RBFOX1: variants seen among roughly 807,000 people sequenced by gnomAD.
The protein encoded by RBFOX1 is RNA binding fox-1 homolog 1, also known as RNA binding protein fox-1 homolog 1.
RBFOX1 carries 8 observed loss-of-function variants against 57.7 expected under a neutral mutation model. The ratio of observed to expected loss-of-function variants is 0.14; its 90% CI spans 0.08 to 0.25. RBFOX1 has a LOEUF of 0.25. RBFOX1 is among the 10% of genes least tolerant of loss of function. RBFOX1 has a pLI of 1.00. For synonymous variants in RBFOX1, 326 were observed against 222.4 expected (o/e 1.47, Z -4.15); for missense variants, 611 against 548.5 (o/e 1.11, Z -1.14).
intron 4 of RBFOX1, among the ~76,000 whole-genome samples, chr16:7,090,924 G>T (rs2060736683): frequency 6.6e-6 from 1 of 152,112 alleles, no homozygotes. Flanking sequence ...CTCTCCTGTG[G>T]TTATTTAATT....
chr16:7,095,552 T>G (rs1022317271), intron 4 of RBFOX1, among the ~76,000 whole-genome samples: 1 of 152,206 alleles, frequency 6.6e-6, no homozygotes, highest in Non-Finnish European at 1.5e-5. Flanking sequence ...TCTCTTACTT[T>G]GAGTTACATT....
chr16:6,473,214 G>T (rs759616962), intron 2 of RBFOX1, among the ~76,000 whole-genome samples: 1 of 152,040 alleles, frequency 6.6e-6, no homozygotes, highest in Non-Finnish European at 1.5e-5. Flanking sequence ...TATCTATTTT[G>T]TTTTCTGGTG....
intron 3 of RBFOX1, among the ~76,000 whole-genome samples, chr16:5,748,585 T>TTAGC (rs1471405580): frequency 2.0e-5 from 3 of 152,218 alleles, no homozygotes; most frequent in Non-Finnish European, 4.4e-5. Flanking sequence ...TTTAGGATAG[T>TTAGC]TAGCTCTTCT....
chr16:5,556,072 C>T (rs964859830), intron 2 of RBFOX1, among the ~76,000 whole-genome samples: 1 of 152,124 alleles, frequency 6.6e-6, no homozygotes, highest in Non-Finnish European at 1.5e-5. Flanking sequence ...CCAAAAAACA[C>T]CCTTTCCCTG....
In RBFOX1 at chr16:5,657,602, C is replaced by T. The variant is rs117631645; in HGVS notation, c.318+58641C>T. ...GGTTTGAGGTCTGTAAATTCTTTCTCGCTCGCTTTCTTTCTTTCTCTCTTT... is the reference window on the plus strand; with the variant it reads ...GGTTTGAGGTCTGTAAATTCTTTCTTGCTCGCTTTCTTTCTTTCTCTCTTT... On this transcript the variant is annotated intron_variant, in intron 3 of 19. Transcript: ENST00000641259. Among the ~76,000 whole-genome samples the T allele has an allele frequency of 0.016, 2,210 of 139,886 alleles. 123 individuals carry two copies. The East Asian group carries it at 0.19, about 12-fold the overall frequency. The allele number at this position is 139,886 out of a possible 152,430, so 91.8% of individuals were successfully genotyped here.
intron 4 of RBFOX1, among the ~76,000 whole-genome samples, chr16:7,199,182 C>T (rs2087608635): frequency 1.3e-5 from 2 of 152,158 alleles, no homozygotes; most frequent in Admixed American, 1.3e-4. Flanking sequence ...TATGGCAATG[C>T]ATTTTTAACT....
Position 7,631,732 on chromosome 16 carries a change from C to T in RBFOX1, c.757+1049C>T, listed in dbSNP as rs1408908295. 2.0e-5 allele frequency among the ~76,000 whole-genome samples: 3 copies of T among 152,198 alleles called. No individual in the cohort carries two copies. The East Asian group carries it at 5.8e-4, about 30-fold the overall frequency. On this transcript the variant is annotated intron_variant, in intron 11 of 15. Coordinates refer to ENST00000550418, the MANE Select transcript of RBFOX1 (RefSeq NM_018723.4). ...CAAGGGATAAGAGACGTAGGAGAAT[C>T]CTCACCATCGTGCCAAAACCAAACA...
chr16:5,741,197 T>C (rs2052757992), intron 3 of RBFOX1, among the ~76,000 whole-genome samples: 1 of 152,142 alleles, frequency 6.6e-6, no homozygotes, highest in Admixed American at 6.5e-5. Flanking sequence ...CATCCCTCTT[T>C]CCTGCATCTG....
intron 14 of RBFOX1, among the ~76,000 whole-genome samples, chr16:7,705,273 G>T (rs146444561): frequency 6.6e-6 from 1 of 152,000 alleles, no homozygotes; most frequent in Non-Finnish European, 1.5e-5. Context: ...TTGGGAGGCC[G>T]AGGCAGGAGG....
intron 3 of RBFOX1, among the ~76,000 whole-genome samples, chr16:5,758,017 A>T (rs1484477262): frequency 6.6e-6 from 1 of 152,098 alleles, no homozygotes; most frequent in African/African-American, 2.4e-5. Context: ...TCCCAGAAAA[A>T]CATCTCTGGA....
intron 2 of RBFOX1, among the ~76,000 whole-genome samples, chr16:6,586,604 C>A (rs1548857): frequency 0.1 from 15,868 of 152,172 alleles, 1,171 homozygotes; most frequent in East Asian, 0.37. Context: ...GCCAGGAATA[C>A]TTCTTCCCAC....
intron 4 of RBFOX1, among the ~76,000 whole-genome samples, chr16:7,232,771 G>T (rs554827797): frequency 6.6e-6 from 1 of 151,622 alleles, no homozygotes; most frequent in Non-Finnish European, 1.5e-5. Flanking sequence ...AACCTGGGAG[G>T]GGGAGGTTGC....
At position 7,028,046 on chromosome 16, in the gene RBFOX1, C is replaced by T. The variant is rs990053643; in HGVS notation, c.-15-24011C>T. On this transcript the variant is annotated intron_variant, in intron 3 of 15. Coordinates refer to ENST00000550418, the MANE Select transcript of RBFOX1 (RefSeq NM_018723.4). ...AAAGGAAGCCTTATTTAATCTCCAG[C>T]ACAGAAAGTGTTCGCAGCCCTGAGA... 3.3e-5 allele frequency among the ~76,000 whole-genome samples: 5 copies of T among 152,136 alleles called. No individual in the cohort carries two copies. In the East Asian group the frequency reaches 7.8e-4, roughly 24 times the overall value.
intron 4 of RBFOX1, among the ~76,000 whole-genome samples, chr16:7,502,327 G>C (rs2071206475): frequency 6.6e-6 from 1 of 152,188 alleles, no homozygotes; most frequent in Non-Finnish European, 1.5e-5. Context: ...TGCCCTTAAG[G>C]AGCTTACAAC....
chr16:6,593,841 A>G (rs1053547618), intron 2 of RBFOX1, among the ~76,000 whole-genome samples: 3 of 152,120 alleles, frequency 2.0e-5, no homozygotes, highest in Admixed American at 6.5e-5. Flanking sequence ...CAATATTGGG[A>G]AGGTGATCTC....
intron 1 of RBFOX1, among the ~76,000 whole-genome samples, chr16:5,414,296 T>C (rs1377671878): frequency 6.6e-6 from 1 of 152,172 alleles, no homozygotes; most frequent in Non-Finnish European, 1.5e-5. Context: ...TCTCTCCCAG[T>C]TATTACTCAG....
At chr16:5,718,483 T>G (rs1274682635) in intron 3 of RBFOX1, among the ~76,000 whole-genome samples, 2 of 152,228 alleles carry the variant, frequency 1.3e-5, no homozygotes, top group Non-Finnish European at 2.9e-5. Context: ...TCTTTAGATG[T>G]GAGCTCCATG....
At chr16:7,591,641 A>T in intron 7 of RBFOX1, among the ~76,000 whole-genome samples, 1 of 152,130 alleles carries the variant, frequency 6.6e-6, no homozygotes, top group East Asian at 1.9e-4. Flanking sequence ...CTTCAGTAGC[A>T]TTAAAGGTAA....
intron 3 of RBFOX1, among the ~76,000 whole-genome samples, chr16:5,825,491 A>C (rs1414885342): frequency 1.3e-5 from 2 of 152,250 alleles, no homozygotes; most frequent in East Asian, 3.8e-4. Context: ...TTTGTGGATC[A>C]AATTTAGGAG....
Sources: gnomAD v4.1 joint callset for allele counts (sites outside exome capture counted in the v4.1 genomes callset) on GRCh38, gnomAD v4.1.1 for gene constraint, MANE v1.5 for transcripts, NCBI Gene and HGNC (gene_info 2026-07-23, HGNC 2026-07-21) for gene names.